TBC1D5: variants seen among roughly 807,000 people sequenced by gnomAD.
The protein encoded by TBC1D5 is TBC1 domain family, member 5.
Under a neutral mutation model 100.3 loss-of-function variants are expected in TBC1D5, and 75 were observed. That is an observed-to-expected ratio of 0.75 (90% CI 0.62 to 0.91). The LOEUF (loss-of-function observed/expected upper bound fraction) is 0.91, where lower values mean the gene tolerates loss of function less well. Among genes scored for constraint, TBC1D5 ranks in the 40% least tolerant of loss-of-function variants. The probability of loss-of-function intolerance (pLI) is 0.00; values close to 1 mark genes in which losing one functional copy is unlikely to be tolerated. For synonymous variants in TBC1D5, 323 were observed against 325.6 expected, an observed-to-expected ratio of 0.99 and a Z score of 0.09; for missense variants, 910 against 942.4, an observed-to-expected ratio of 0.97 and a Z score of 0.45.
At chr3:17,367,670 C>A (rs2092235759) in intron 13 of TBC1D5, among the ~76,000 whole-genome samples, 1 of 152,022 alleles carries the variant, frequency 6.6e-6, no homozygotes, top group Non-Finnish European at 1.5e-5. Flanking sequence ...ACCTGCCTAT[C>A]CAATGTGGTG....
chr3:17,186,433 G>C (rs1159438074), intron 18 of TBC1D5, among the ~76,000 whole-genome samples: 2 of 152,116 alleles, frequency 1.3e-5, no homozygotes, highest in Admixed American at 6.5e-5. Flanking sequence ...GTAGTGCTGG[G>C]TGCAGTGGCT....
chr3:17,601,443 G>A (rs1281417131), intron 2 of TBC1D5, among the ~76,000 whole-genome samples: 4 of 152,306 alleles, frequency 2.6e-5, no homozygotes, highest in South Asian at 2.1e-4. Flanking sequence ...TCCGGGAGGC[G>A]GAGGTTGTGG....
intron 2 of TBC1D5, among the ~76,000 whole-genome samples, chr3:17,553,203 G>C (rs2096488098): frequency 6.6e-6 from 1 of 152,146 alleles, no homozygotes; most frequent in African/African-American, 2.4e-5. Context: ...CATAGTCACT[G>C]TAAAGAGGTC....
Position 17,345,779 on chromosome 3 carries a change from A to T in TBC1D5, c.995+26296T>A, listed in dbSNP as rs991879217. Among the ~76,000 whole-genome samples the T allele has an allele frequency of 5.5e-4, 84 of 152,226 alleles. 3 individuals are homozygous for T. Among genetic ancestry groups the T allele is most frequent in the Non-Finnish European group, 1.5e-4 (10 of 68,050 alleles). ...GTTCATGTCCTTCGTAGGGACGGGGATGAAATTGGAAATCATCATTCTCAG... is the reference window on the plus strand; with the variant it reads ...GTTCATGTCCTTCGTAGGGACGGGGTTGAAATTGGAAATCATCATTCTCAG... On this transcript the variant is annotated intron_variant, in intron 13 of 21. Coordinates refer to ENST00000253692, the Ensembl canonical transcript of TBC1D5.
chr3:17,211,357 C>T (rs567081489), intron 18 of TBC1D5, among the ~76,000 whole-genome samples: 142 of 152,326 alleles, frequency 9.3e-4, no homozygotes, highest in Non-Finnish European at 1.6e-3. Flanking sequence ...AAGCAAGTGG[C>T]GGAGGCCTGG....
At chr3:17,184,773 T>G (rs1166602876) in intron 19 of TBC1D5, 1 of 158,584 alleles carries the variant, frequency 6.3e-6, no homozygotes, top group African/African-American at 2.4e-5. Flanking sequence ...CTCAAATTCC[T>G]GGCCTCAAAT....
chr3:17,729,016 T>TAAAAAAAAAAAAAAA (rs34461809), intron 1 of TBC1D5, among the ~76,000 whole-genome samples: 1 of 29,604 alleles, frequency 3.4e-5, no homozygotes. Flanking sequence ...TGAAAATCAG[T>TAAAAAAAAAAAAAAA]AAAAAAAAAA....
intron 1 of TBC1D5, among the ~76,000 whole-genome samples, chr3:17,702,959 T>C (rs1047963112): frequency 6.6e-6 from 1 of 152,102 alleles, no homozygotes; most frequent in Non-Finnish European, 1.5e-5. Flanking sequence ...AACTAGACCA[T>C]AGCTATATTG....
chr3:17,254,773 G>GGC (rs1392115917), intron 16 of TBC1D5, among the ~76,000 whole-genome samples: 2 of 100,466 alleles, frequency 2.0e-5, no homozygotes, highest in African/African-American at 7.8e-5. Flanking sequence ...GGGTGGGGGG[G>GGC]GGGTCCCAAG....
intron 4 of TBC1D5, among the ~76,000 whole-genome samples, chr3:17,422,475 C>T (rs1341829310): frequency 1.3e-5 from 2 of 152,004 alleles, no homozygotes; most frequent in Non-Finnish European, 2.9e-5. Flanking sequence ...GGGTAAGCCA[C>T]TGAGCCTGCT....
chr3:17,508,672 A>G (rs2095869663), intron 2 of TBC1D5, 67 bp from the exon 3 acceptor site: 2 of 800,370 alleles, frequency 2.5e-6, no homozygotes, highest in East Asian at 2.7e-5. Context: ...GAATAAATAT[A>G]AGACTGAAAT....
chr3:17,455,226 T>G (rs1002606153), intron 3 of TBC1D5, among the ~76,000 whole-genome samples: 3 of 132,002 alleles, frequency 2.3e-5, no homozygotes, highest in Non-Finnish European at 4.6e-5. Flanking sequence ...ATATATATTA[T>G]ATATTGTATA....
At chr3:17,734,031 G>A (rs1486347102) in intron 1 of TBC1D5, among the ~76,000 whole-genome samples, 1 of 151,980 alleles carries the variant, frequency 6.6e-6, no homozygotes, top group East Asian at 1.9e-4. Flanking sequence ...AAGTAAAGAT[G>A]GGCAGATCTT....
At chr3:17,218,164 T>G (rs149891433) in intron 17 of TBC1D5, among the ~76,000 whole-genome samples, 191 of 152,142 alleles carry the variant, frequency 1.3e-3, no homozygotes, top group African/African-American at 4.4e-3. Context: ...CTTACCATAC[T>G]CTCAACTCTA....
intron 13 of TBC1D5, among the ~76,000 whole-genome samples, chr3:17,330,531 C>T (rs2086736455): frequency 6.6e-6 from 1 of 152,076 alleles, no homozygotes; most frequent in African/African-American, 2.4e-5. Flanking sequence ...TCATTCTCAA[C>T]ACGTGGCCAC....
intron 16 of TBC1D5, among the ~76,000 whole-genome samples, chr3:17,253,938 T>C (rs185766999): frequency 1.3e-5 from 2 of 152,342 alleles, no homozygotes; most frequent in East Asian, 1.9e-4. Flanking sequence ...TTTTCATATA[T>C]GCAGGTTCCT....
chr3:17,653,371 CTGGTA>C, intron 1 of TBC1D5, among the ~76,000 whole-genome samples: 1 of 152,228 alleles, frequency 6.6e-6, no homozygotes, highest in East Asian at 1.9e-4. Flanking sequence ...TCATTTACCA[CTGGTA>C]TGATACACTG....
chr3:17,383,940 T>C, exon 9 of TBC1D5: 1 of 1,600,450 alleles, frequency 6.2e-7, no homozygotes, highest in East Asian at 2.2e-5. Context: ...GCTCGTTTTC[T>C]CTGGCATAAC....
intron 4 of TBC1D5, among the ~76,000 whole-genome samples, chr3:17,416,494 T>C (rs2094076080): frequency 6.6e-6 from 1 of 152,186 alleles, no homozygotes; most frequent in Non-Finnish European, 1.5e-5. Flanking sequence ...CTATAACGTT[T>C]CAAGGGCTAT....
Sources: allele counts gnomAD v4.1 joint callset (sites outside exome capture counted in the v4.1 genomes callset), GRCh38; gene constraint gnomAD v4.1.1; transcripts MANE v1.5; gene names NCBI Gene and HGNC (gene_info 2026-07-23, HGNC 2026-07-21).